The following EIF2A variants were observed in gnomAD, a reference collection of about 807,000 sequenced individuals.
EIF2A encodes the protein 65 kDa eukaryotic translation initiation factor 2A.
EIF2A carries 62 observed loss-of-function variants against 75.2 expected under a neutral mutation model. The observed-to-expected ratio is 0.82, with a 90% confidence interval of 0.67 to 1.02. The LOEUF is 1.02. Among genes scored for constraint, EIF2A ranks in the 50% least tolerant of loss-of-function variants. The pLI is 0.00. For missense variants in EIF2A, 611 were observed against 677.7 expected, an observed-to-expected ratio of 0.90 and a Z score of 1.09; for synonymous variants, 207 against 239.0, an observed-to-expected ratio of 0.87 and a Z score of 1.23.
intron 3 of EIF2A, among the ~76,000 whole-genome samples, chr3:150,560,688 C>A (rs1056152868): frequency 2.0e-5 from 3 of 148,398 alleles, no homozygotes; most frequent in Non-Finnish European, 3.0e-5. Flanking sequence ...AAGTTACTTA[C>A]AGCAACTTCT....
chr3:150,561,693 A>G (rs527653429), intron 3 of EIF2A, among the ~76,000 whole-genome samples: 1 of 151,950 alleles, frequency 6.6e-6, no homozygotes, highest in African/African-American at 2.4e-5. Context: ...ACTTAAAGGC[A>G]TTTTTTTCCT....
At chr3:150,579,251 T>A (rs1018128403) in intron 11 of EIF2A, among the ~76,000 whole-genome samples, 3 of 152,166 alleles carry the variant, frequency 2.0e-5, no homozygotes, top group African/African-American at 7.2e-5. Flanking sequence ...AATTTTATAT[T>A]GTGAAAAATA....
At position 150,563,653 on chromosome 3, in the gene EIF2A, A is replaced by G. The variant is rs536998686; in HGVS notation, c.392+39A>G. 6.7e-6 allele frequency: 9 copies of G among 1,353,264 alleles called. No individual in the cohort carries two copies. In the African/African-American group the frequency reaches 1.0e-4, roughly 16 times the overall value. The allele number at this position is 1,353,264 out of a possible 1,614,324, so 83.8% of individuals were successfully genotyped here. On this transcript the variant is annotated intron_variant, in intron 5 of 13. Coordinates refer to ENST00000460851, the MANE Select transcript of EIF2A (RefSeq NM_032025.5). ...TTAAAATACTAATTTTTTACATAGT[A>G]TTTTTAATGTCATCACTGTATAATA... is the stretch of plus-strand genomic sequence containing the variant.
At chr3:150,546,855 T>C (rs980013084) in intron 1 of EIF2A, 25 bp downstream of exon 1, 2 of 1,610,970 alleles carry the variant, frequency 1.2e-6, no homozygotes, top group Admixed American at 1.7e-5. Flanking sequence ...AGCGAGGGAC[T>C]CTCTTTCTTC....
At chr3:150,559,979 G>A (rs960857768) in intron 3 of EIF2A, among the ~76,000 whole-genome samples, 1 of 152,058 alleles carries the variant, frequency 6.6e-6, no homozygotes, top group Non-Finnish European at 1.5e-5. Flanking sequence ...TGTAGTATTT[G>A]AGTAATGAAT....
intron 1 of EIF2A, among the ~76,000 whole-genome samples, chr3:150,548,526 C>T (rs1360953274): frequency 6.6e-6 from 1 of 152,118 alleles, no homozygotes; most frequent in Non-Finnish European, 1.5e-5. Context: ...ATCAGGGGTC[C>T]CCAACCCCCT....
At chr3:150,574,251 G>A (rs1181805994) in intron 10 of EIF2A, among the ~76,000 whole-genome samples, 2 of 152,106 alleles carry the variant, frequency 1.3e-5, no homozygotes, top group South Asian at 2.1e-4. Context: ...GAAATTATGC[G>A]TAATGAGCAC....
In EIF2A at chr3:150,552,431, A is replaced by G; in HGVS notation, c.98+6A>G. The stretch of plus-strand genomic sequence containing the variant: ...GAAAGCACAGTGTTTCCAAGGTATG[A>G]TTTATTTTGTTAAGTAATGTTATAG... On this transcript the variant is annotated splice_donor_region_variant and intron_variant, in intron 2 of 13. Transcript: ENST00000460851. 6.4e-7 allele frequency: 1 copy of G among 1,551,370 alleles called. No individual in the cohort carries two copies. Among genetic ancestry groups the G allele is most frequent in the Non-Finnish European group, 8.7e-7 (1 of 1,146,534 alleles).
In EIF2A at chr3:150,584,887, T is replaced by A. The variant is rs4518155; in HGVS notation, c.*976T>A. Among the ~76,000 whole-genome samples the A allele has an allele frequency of 5.3e-5, 8 of 152,276 alleles. 1 individual carries two copies. Among genetic ancestry groups the A allele is most frequent in the Admixed American group, 5.2e-4 (8 of 15,296 alleles). On this transcript the variant is annotated 3_prime_UTR_variant, in exon 14 of 14. Transcript: ENST00000460851. Reference sequence around the variant, plus strand: ...ACACACAGGACTTTTTTTTTTCTAATTCAAAAAATACAAAGGCATGCAATG... The same window carrying A: ...ACACACAGGACTTTTTTTTTTCTAAATCAAAAAATACAAAGGCATGCAATG...
At chr3:150,568,122 A>G in intron 8 of EIF2A, 54 bp from the exon 9 acceptor site, 1 of 1,602,248 alleles carries the variant, frequency 6.2e-7, no homozygotes, top group Non-Finnish European at 8.5e-7. Flanking sequence ...TGTATAACAG[A>G]AGAATCAATG....
At chr3:150,546,941 T>G in intron 1 of EIF2A, 111 bp downstream of exon 1, 1 of 1,491,680 alleles carries the variant, frequency 6.7e-7, no homozygotes. Flanking sequence ...CCTTTTCTTG[T>G]GGCTTGCGGA....
intron 10 of EIF2A, among the ~76,000 whole-genome samples, chr3:150,573,940 G>A (rs1475979550): frequency 3.3e-5 from 5 of 152,048 alleles, no homozygotes; most frequent in Non-Finnish European, 2.9e-5. Context: ...TCCGGTGTGG[G>A]GGTTTCGATC....
At chr3:150,582,531 G>A (rs1480802545) in intron 12 of EIF2A, among the ~76,000 whole-genome samples, 1 of 151,824 alleles carries the variant, frequency 6.6e-6, no homozygotes, top group African/African-American at 2.4e-5. Context: ...AGCCAGGATG[G>A]TTTCAATCTC....
intron 6 of EIF2A, chr3:150,564,739 TATCTC>T (rs776033780): frequency 1.5e-4 from 29 of 188,134 alleles, no homozygotes; most frequent in Admixed American, 4.5e-4. Context: ...TGGCCAATCT[TATCTC>T]ATCCATACAT....
chr3:150,548,861 A>G (rs1723175850), intron 1 of EIF2A, among the ~76,000 whole-genome samples: 1 of 152,162 alleles, frequency 6.6e-6, no homozygotes, highest in Non-Finnish European at 1.5e-5. Context: ...TCACACTGCA[A>G]ATTGGCAGGA....
intron 10 of EIF2A, 151 bp from the exon 11 acceptor site, chr3:150,575,498 T>G: frequency 1.7e-6 from 1 of 579,982 alleles, no homozygotes; most frequent in Non-Finnish European, 3.0e-6. Flanking sequence ...AGTTGGAGTG[T>G]GCCACTACCA....
intron 11 of EIF2A, 84 bp downstream of exon 11, chr3:150,575,846 T>G: frequency 8.4e-7 from 1 of 1,194,022 alleles, no homozygotes; most frequent in Non-Finnish European, 1.2e-6. Flanking sequence ...CCCAGCACTT[T>G]GGGAGGCTGA....
Position 150,567,907 on chromosome 3 carries a change from TGTCTATGTTCCAGGAA to T in EIF2A, c.558_573del (p.Tyr187LysfsTer22). On this transcript the variant is annotated frameshift_variant, in exon 8 of 14. Coordinates refer to ENST00000460851, the MANE Select transcript of EIF2A (RefSeq NM_032025.5). LOFTEE classifies it high-confidence loss of function. ...TTTATGTCTATGTATCTTAGGTGGC[TGTCTATGTTCCAGGAA>T]GTAAAGGTGCACCTTCATTTGTTAG... is the stretch of plus-strand genomic sequence containing the variant. The T allele has an allele frequency of 1.2e-6, 2 of 1,602,526 alleles. No individual in the cohort carries two copies. Among genetic ancestry groups the T allele is most frequent in the Non-Finnish European group, 1.7e-6 (2 of 1,176,938 alleles).
Position 150,583,344 on chromosome 3 carries a change from G to A in EIF2A, c.1692+79G>A. 14 of 1,364,148 alleles carry A rather than the reference G, an allele frequency of 1.0e-5. No individual in the cohort carries two copies. The South Asian group carries it at 1.8e-4, about 18-fold the overall frequency. The allele number at this position is 1,364,148 out of a possible 1,614,324, so 84.5% of individuals were successfully genotyped here. On this transcript the variant is annotated intron_variant, in intron 13 of 13. Transcript: ENST00000460851. Reference sequence around the variant, plus strand: ...TTATTATAAACAAGTATTTAGTCAGGTAAAAGAGCACATGGAGTTTAAAAA... The same window carrying A: ...TTATTATAAACAAGTATTTAGTCAGATAAAAGAGCACATGGAGTTTAAAAA...
Sources: gnomAD v4.1 joint callset for allele counts (sites outside exome capture counted in the v4.1 genomes callset) on GRCh38, gnomAD v4.1.1 for gene constraint, MANE v1.5 for transcripts, NCBI Gene and HGNC (gene_info 2026-07-23, HGNC 2026-07-21) for gene names.